The following SRD5A1 variants were observed in gnomAD, a reference collection of about 807,000 sequenced individuals.
SRD5A1 encodes 3-oxo-5-alpha-steroid 4-dehydrogenase 1.
SRD5A1 carries 22 observed loss-of-function variants against 28.2 expected under a neutral mutation model. The observed-to-expected ratio is 0.78, with a 90% confidence interval of 0.56 to 1.12. The LOEUF (loss-of-function observed/expected upper bound fraction) is 1.12. Among genes scored for constraint, SRD5A1 ranks in the 50% most tolerant of loss-of-function variants. The probability of loss-of-function intolerance (pLI) is 0.00; values close to 1 mark genes in which losing one functional copy is unlikely to be tolerated. For synonymous variants in SRD5A1, 151 were observed against 135.0 expected (o/e 1.12, Z -0.82); for missense variants, 300 against 346.7 (o/e 0.87, Z 1.07).
intron 1 of SRD5A1, among the ~76,000 whole-genome samples, chr5:6,639,772 A>G (rs780655936): frequency 6.6e-6 from 1 of 152,252 alleles, no homozygotes; most frequent in African/African-American, 2.4e-5. Context: ...ATACTTGTCA[A>G]TATTGTATGT....
At position 6,672,602 on chromosome 5, in the gene SRD5A1, T is replaced by C. The variant is rs1169870571; in HGVS notation, c.*4334T>C. ...ACTGTTGCATTATTATTTGCAAATG[T>C]TGGCTATCCCTGCTGTTGTCTATAT... On this transcript the variant is annotated 3_prime_UTR_variant, in exon 5 of 5. Coordinates refer to ENST00000274192, the MANE Select transcript of SRD5A1 (RefSeq NM_001047.4). 6.6e-6 allele frequency: 1 copy of C among 152,220 alleles called. No individual in the cohort carries two copies. Among genetic ancestry groups the C allele is most frequent in the Non-Finnish European group, 1.5e-5 (1 of 68,036 alleles). 9.4% of individuals were successfully genotyped at this position (152,220 alleles called of 1,614,324 possible).
At chr5:6,656,589 A>G (rs1407807330) in intron 3 of SRD5A1, among the ~76,000 whole-genome samples, 1 of 152,248 alleles carries the variant, frequency 6.6e-6, no homozygotes, top group African/African-American at 2.4e-5. Flanking sequence ...AAAGGAACTA[A>G]TCATCAGAGG....
intron 4 of SRD5A1, among the ~76,000 whole-genome samples, chr5:6,667,323 C>T (rs752578857): frequency 5.3e-5 from 8 of 152,180 alleles, no homozygotes; most frequent in Non-Finnish European, 5.9e-5. Context: ...CAAAAGTAAA[C>T]GTGGCCGCCC....
At chr5:6,664,013 C>G (rs553821041) in intron 4 of SRD5A1, among the ~76,000 whole-genome samples, 1 of 152,306 alleles carries the variant, frequency 6.6e-6, no homozygotes, top group African/African-American at 2.4e-5. Context: ...GGGAAGAGAT[C>G]TCAGGAGCAA....
At position 6,641,513 on chromosome 5, in the gene SRD5A1, G is replaced by A. The variant is rs112640936; in HGVS notation, c.293+7644G>A. 8.3e-4 allele frequency among the ~76,000 whole-genome samples: 127 copies of A among 152,230 alleles called. No homozygotes were observed. In the South Asian group the frequency reaches 0.013, roughly 16 times the overall value. ...AGGAAGAAGATCTCACCTTCTCCTA[G>A]CAACTGGAGGCAGAGGCAGCACTCC... On this transcript the variant is annotated intron_variant, in intron 1 of 4. Coordinates refer to ENST00000274192, the MANE Select transcript of SRD5A1 (RefSeq NM_001047.4).
rs534839545 is a variant in SRD5A1 at position 6,664,054 on chromosome 5, G to A, written c.713+1088G>A. Among the ~76,000 whole-genome samples the A allele has an allele frequency of 1.4e-3, 216 of 152,190 alleles. 1 individual carries two copies. Among genetic ancestry groups the A allele is most frequent in the Non-Finnish European group, 1.9e-3 (127 of 68,006 alleles). On this transcript the variant is annotated intron_variant, in intron 4 of 4. Transcript: ENST00000274192. ...GATCTTTACCTGCCCTGACATTGGC[G>A]CGTGTCCCTGACAATAAATGATGGA... is the stretch of plus-strand genomic sequence containing the variant.
intron 3 of SRD5A1, among the ~76,000 whole-genome samples, chr5:6,656,857 CG>C (rs1465390500): frequency 1.3e-5 from 2 of 152,074 alleles, no homozygotes; most frequent in Non-Finnish European, 2.9e-5. Flanking sequence ...GTAAGAGGCA[CG>C]GTCACAAGGT....
Position 6,670,993 on chromosome 5 carries a change from A to G in SRD5A1, c.*2725A>G, listed in dbSNP as rs1739344266. ...TGCGTGCAAGTATCTTTTTTTGAAT[A>G]ATGACTTCTTTTCCTCTGGGTAGAT... is the stretch of plus-strand genomic sequence containing the variant. On this transcript the variant is annotated 3_prime_UTR_variant, in exon 5 of 5. Coordinates refer to ENST00000274192, the MANE Select transcript of SRD5A1 (RefSeq NM_001047.4). 2 of 152,110 alleles carry G rather than the reference A, an allele frequency of 1.3e-5. No homozygotes were observed. The highest frequency in any genetic ancestry group is 4.1e-4 in the South Asian group (2 of 4,828). 9.4% of individuals were successfully genotyped at this position (152,110 alleles called of 1,614,324 possible).
intron 1 of SRD5A1, among the ~76,000 whole-genome samples, chr5:6,635,086 A>G (rs920770806): frequency 2.0e-5 from 3 of 152,214 alleles, no homozygotes; most frequent in Non-Finnish European, 4.4e-5. Flanking sequence ...TCCTGGTGTC[A>G]TGCATTCCAG....
intron 1 of SRD5A1, among the ~76,000 whole-genome samples, chr5:6,647,480 T>C: frequency 6.6e-6 from 1 of 152,210 alleles, no homozygotes; most frequent in East Asian, 1.9e-4. Context: ...TGCATATATA[T>C]CTAGGATAGT....
At chr5:6,661,491 C>T (rs1157604129) in intron 3 of SRD5A1, among the ~76,000 whole-genome samples, 1 of 146,994 alleles carries the variant, frequency 6.8e-6, no homozygotes, top group African/African-American at 2.5e-5. Flanking sequence ...GCAGTATTTG[C>T]TGAAATTGGT....
intron 1 of SRD5A1, among the ~76,000 whole-genome samples, chr5:6,635,858 G>T (rs7706809): frequency 0.33 from 49,516 of 152,014 alleles, 8,384 homozygotes; most frequent in Middle Eastern, 0.41. Flanking sequence ...GCAGAAAAAT[G>T]AATGCAGCCT....
chr5:6,641,479 A>T (rs1194063671), intron 1 of SRD5A1, among the ~76,000 whole-genome samples: 2 of 152,088 alleles, frequency 1.3e-5, no homozygotes, highest in Non-Finnish European at 2.9e-5. Context: ...CTCTAGAGGG[A>T]GGGAAGTCAG....
intron 2 of SRD5A1, among the ~76,000 whole-genome samples, chr5:6,655,382 G>A (rs184764476): frequency 1.6e-3 from 249 of 152,254 alleles, no homozygotes; most frequent in Non-Finnish European, 9.3e-4. Flanking sequence ...AAATCCCTGC[G>A]GATTCGTAAG....
At chr5:6,661,884 A>G (rs1015248872) in intron 3 of SRD5A1, among the ~76,000 whole-genome samples, 1 of 152,050 alleles carries the variant, frequency 6.6e-6, no homozygotes, top group African/African-American at 2.4e-5. Flanking sequence ...GAATTTTCTC[A>G]GCTCTGCAGA....
chr5:6,667,734 G>A (rs949073559), intron 4 of SRD5A1, among the ~76,000 whole-genome samples: 3 of 152,202 alleles, frequency 2.0e-5, no homozygotes, highest in Admixed American at 6.5e-5. Context: ...TACTAAGAGC[G>A]TTCATGAGCC....
At chr5:6,645,740 T>TA (rs2126532439) in intron 1 of SRD5A1, among the ~76,000 whole-genome samples, 1 of 152,308 alleles carries the variant, frequency 6.6e-6, no homozygotes, top group African/African-American at 2.4e-5. Context: ...TGTATTCCTC[T>TA]AAAAAACTCC....
intron 4 of SRD5A1, 42 bp downstream of exon 4, chr5:6,663,008 G>T: frequency 1.2e-6 from 2 of 1,602,950 alleles, no homozygotes; most frequent in South Asian, 2.2e-5. Flanking sequence ...TTTGTTCTTT[G>T]ACTATATTAT....
At position 6,633,708 on chromosome 5, in the gene SRD5A1, C is replaced by T. The variant is rs1364968636; in HGVS notation, c.132C>T (p.Pro44=). 2 of 1,592,910 alleles carry T rather than the reference C, an allele frequency of 1.3e-6. No homozygotes were observed. Among genetic ancestry groups the T allele is most frequent in the Non-Finnish European group, 1.7e-6 (2 of 1,177,238 alleles). ...CAGTGTACGGCCGCCACGCGCTGCC[C>T]AGCCACAGGCTCCGAGTGCCGGCGC... ...TNSVYGRHAL[P]SHRLRVPARA... The change falls in exon 1 of 5, where the codon CCC becomes CCT. Residue 44 remains proline, a synonymous_variant. Coordinates refer to ENST00000274192, the MANE Select transcript of SRD5A1 (RefSeq NM_001047.4).
Sources: gnomAD v4.1 joint callset for allele counts (sites outside exome capture counted in the v4.1 genomes callset) on GRCh38, gnomAD v4.1.1 for gene constraint, MANE v1.5 for transcripts, NCBI Gene and HGNC (gene_info 2026-07-23, HGNC 2026-07-21) for gene names.